ZNF827: variants seen among roughly 807,000 people sequenced by gnomAD.
ZNF827 encodes the protein zinc finger protein 827.
In ZNF827, 13 loss-of-function variants were observed where a neutral mutation model predicts 102.4. The ratio of observed to expected loss-of-function variants is 0.13; its 90% CI spans 0.08 to 0.20. ZNF827 has a LOEUF of 0.20. Ranked by LOEUF, ZNF827 falls within the 10% of genes least tolerant of loss-of-function variation. ZNF827 has a pLI of 1.00. For synonymous variants in ZNF827, 523 were observed against 536.2 expected, an observed-to-expected ratio of 0.98 and a Z score of 0.34; for missense variants, 1,103 against 1,344.4, an observed-to-expected ratio of 0.82 and a Z score of 2.81.
chr4:145,822,383 T>C (rs555591375), intron 8 of ZNF827, among the ~76,000 whole-genome samples: 4 of 151,466 alleles, frequency 2.6e-5, no homozygotes, highest in African/African-American at 9.7e-5. Context: ...CAATGACCTG[T>C]GATACCCGAG....
At chr4:145,784,271 T>G (rs1738523968) in intron 8 of ZNF827, among the ~76,000 whole-genome samples, 1 of 152,356 alleles carries the variant, frequency 6.6e-6, no homozygotes, top group East Asian at 1.9e-4. Context: ...TCTCAGTAGC[T>G]GAGTGAACGC....
intron 5 of ZNF827, among the ~76,000 whole-genome samples, chr4:145,850,220 G>A (rs907841571): frequency 2.6e-5 from 4 of 152,096 alleles, no homozygotes; most frequent in African/African-American, 9.7e-5. Flanking sequence ...ATGTTGACCA[G>A]GCTGGTCTTC....
chr4:145,886,297 G>C, intron 3 of ZNF827, 139 bp from the exon 4 acceptor site: 1 of 1,361,956 alleles, frequency 7.3e-7, no homozygotes, highest in Non-Finnish European at 9.6e-7. Context: ...TCACTATGGG[G>C]CTCCAGGTAA....
At chr4:145,842,401 T>C (rs1300919288) in intron 7 of ZNF827, among the ~76,000 whole-genome samples, 5 of 152,174 alleles carry the variant, frequency 3.3e-5, no homozygotes, top group African/African-American at 9.7e-5. Flanking sequence ...TCGTGTTCTC[T>C]TGGTGCAGGA....
At chr4:145,886,607 T>C (rs1392400238) in intron 3 of ZNF827, among the ~76,000 whole-genome samples, 2 of 152,180 alleles carry the variant, frequency 1.3e-5, no homozygotes, top group African/African-American at 4.8e-5. Flanking sequence ...AAACATAATT[T>C]CAGTTTTCAA....
chr4:145,775,001 G>C (rs530598909), intron 10 of ZNF827, among the ~76,000 whole-genome samples: 8 of 152,274 alleles, frequency 5.3e-5, no homozygotes, highest in African/African-American at 1.9e-4. Flanking sequence ...AAGAGATGTG[G>C]GGTAGCATTG....
chr4:145,848,029 G>C (rs568816543), intron 6 of ZNF827, among the ~76,000 whole-genome samples: 2 of 152,200 alleles, frequency 1.3e-5, no homozygotes, highest in Non-Finnish European at 2.9e-5. Flanking sequence ...AGAACTCTCA[G>C]ACCCAAACTT....
chr4:145,856,429 G>A (rs1030538582), intron 5 of ZNF827, among the ~76,000 whole-genome samples: 9 of 152,128 alleles, frequency 5.9e-5, no homozygotes, highest in African/African-American at 1.9e-4. Flanking sequence ...CTGCTCTGAG[G>A]AGTGAACTCC....
intron 8 of ZNF827, among the ~76,000 whole-genome samples, chr4:145,809,545 G>A (rs1333519039): frequency 6.6e-6 from 1 of 152,226 alleles, no homozygotes; most frequent in Admixed American, 6.5e-5. Flanking sequence ...CTAAAATGAA[G>A]GTGTAGTTTC....
chr4:145,881,932 T>C (rs1749703301), intron 4 of ZNF827, among the ~76,000 whole-genome samples: 2 of 152,240 alleles, frequency 1.3e-5, no homozygotes, highest in Non-Finnish European at 2.9e-5. Context: ...GGCTGCACAC[T>C]AAAATCATTC....
At chr4:145,841,281 G>A (rs538652755) in intron 7 of ZNF827, among the ~76,000 whole-genome samples, 3 of 152,246 alleles carry the variant, frequency 2.0e-5, no homozygotes, top group East Asian at 3.9e-4. Flanking sequence ...TTCCTATCTC[G>A]ATCTTATCCA....
chr4:145,885,753 C>T lies in ZNF827; in HGVS notation c.1672G>A (p.Ala558Thr). ...TKLKDPSEYVANSASALFSQD... is the reference protein window; with the variant it reads ...TKLKDPSEYVTNSASALFSQD... ...CTGAACAATGCTGACGCACTGTTGG[C>T]CACATACTCGGAGGGGTCTTTCAGC... Residue 558 changes from alanine (A) to threonine (T), a missense_variant, in exon 4 of 15, where the codon GCC becomes ACC. This residue lies in a region of ZNF827 where 157 missense variants were observed against 211.7 expected (regional missense o/e 0.74). Transcript: ENST00000508784. 6.3e-7 allele frequency: 1 copy of T among 1,599,012 alleles called. No homozygotes were observed. Among genetic ancestry groups the T allele is most frequent in the South Asian group, 1.1e-5 (1 of 87,580 alleles).
rs1388580801 is a variant in ZNF827 at position 145,762,577 on chromosome 4, C to T, written c.*17+513G>A. On this transcript the variant is annotated intron_variant, in intron 14 of 14. Coordinates refer to ENST00000508784, the MANE Select transcript of ZNF827 (RefSeq NM_001306215.2). The surrounding 1 kb of genome is among the most constrained non-coding windows in gnomAD (Gnocchi z 4.9). ...GCAATTTAGGTAGATTCTGGAAGGG[C>T]GGATGCTGGTCCCAGCTCCATCACC... 6.6e-6 allele frequency among the ~76,000 whole-genome samples: 1 copy of T among 152,048 alleles called. No individual in the cohort carries two copies. Among genetic ancestry groups the T allele is most frequent in the African/African-American group, 2.4e-5 (1 of 41,400 alleles).
At chr4:145,856,750 GA>G (rs1299418383) in intron 5 of ZNF827, among the ~76,000 whole-genome samples, 3 of 135,192 alleles carry the variant, frequency 2.2e-5, no homozygotes, top group African/African-American at 5.6e-5. Context: ...ATAGTGCAGG[GA>G]AAACTGAGCA....
At chr4:145,925,502 C>T (rs1436453057) in intron 1 of ZNF827, among the ~76,000 whole-genome samples, 7 of 152,192 alleles carry the variant, frequency 4.6e-5, no homozygotes, top group South Asian at 2.1e-4. Flanking sequence ...TTCGTGTCAA[C>T]ATTTGAAAGA....
chr4:145,804,174 A>C (rs1741183919), intron 8 of ZNF827, among the ~76,000 whole-genome samples: 1 of 152,206 alleles, frequency 6.6e-6, no homozygotes, highest in Admixed American at 6.5e-5. Flanking sequence ...AATTGATGTA[A>C]TCCAATCACT....
intron 7 of ZNF827, among the ~76,000 whole-genome samples, chr4:145,825,997 G>A (rs1303971857): frequency 6.6e-6 from 1 of 152,216 alleles, no homozygotes; most frequent in Non-Finnish European, 1.5e-5. Flanking sequence ...ACTTTCAGAA[G>A]GCAAGGCAGC....
At chr4:145,880,805 A>T (rs1749595074) in intron 4 of ZNF827, among the ~76,000 whole-genome samples, 1 of 152,234 alleles carries the variant, frequency 6.6e-6, no homozygotes, top group South Asian at 2.1e-4. Context: ...GTCGAAAATC[A>T]CCTGACTGGA....
At chr4:145,797,287 A>G (rs1208587395) in intron 8 of ZNF827, among the ~76,000 whole-genome samples, 1 of 152,204 alleles carries the variant, frequency 6.6e-6, no homozygotes, top group Non-Finnish European at 1.5e-5. Context: ...GACAGAAGAG[A>G]CTAGAGAGCA....
Sources: allele counts gnomAD v4.1 joint callset (sites outside exome capture counted in the v4.1 genomes callset), GRCh38; gene constraint gnomAD v4.1.1; regional missense constraint gnomAD v4.1.1; non-coding constraint Gnocchi (gnomAD v3.1); transcripts MANE v1.5; gene names NCBI Gene and HGNC (gene_info 2026-07-23, HGNC 2026-07-21).